The following ZFR2 variants were observed in gnomAD, a reference collection of about 807,000 sequenced individuals.
The protein encoded by ZFR2 is zinc finger RNA-binding protein 2.
Under a neutral mutation model 105.7 loss-of-function variants are expected in ZFR2, and 104 were observed. The ratio of observed to expected loss-of-function variants is 0.98; its 90% CI spans 0.84 to 1.16. The LOEUF (loss-of-function observed/expected upper bound fraction) is 1.16. ZFR2 is among the 50% of genes most tolerant of loss of function. ZFR2 has a pLI of 0.00. For missense variants in ZFR2, 1,425 were observed against 1,355.5 expected (o/e 1.05, Z -0.80); for synonymous variants, 634 against 597.7 (o/e 1.06, Z -0.89).
In ZFR2 at chr19:3,822,067, C is replaced by T. The variant is rs767214167; in HGVS notation, c.1491+14G>A. On this transcript the variant is annotated intron_variant, in intron 9 of 18. Transcript: ENST00000262961. ...AGCCCGGACGGGTGTCGGAGCTCCC[C>T]CTGCTGGACGCACCCGGTACTGCAG... 1.2e-5 allele frequency: 19 copies of T among 1,587,570 alleles called. No individual in the cohort carries two copies. Among genetic ancestry groups the T allele is most frequent in the East Asian group, 1.2e-4 (5 of 43,130 alleles).
intron 14 of ZFR2, among the ~76,000 whole-genome samples, chr19:3,812,071 G>A (rs1368237301): frequency 1.3e-5 from 2 of 152,116 alleles, no homozygotes; most frequent in Non-Finnish European, 2.9e-5. Context: ...AACCTCCTGA[G>A]TAGCTGGGAT....
intron 1 of ZFR2, among the ~76,000 whole-genome samples, chr19:3,865,902 G>A (rs2038421929): frequency 1.3e-5 from 2 of 152,050 alleles, no homozygotes; most frequent in South Asian, 2.1e-4. Flanking sequence ...GCAGTAACGT[G>A]ATGATCTCAG....
rs2285959 is a variant in ZFR2 at position 3,833,843 on chromosome 19, G to A, written c.265-65C>T. 1,343 of 1,269,118 alleles carry A rather than the reference G, an allele frequency of 1.1e-3. 19 individuals carry two copies. The East Asian group carries it at 0.025, about 24-fold the overall frequency. 78.6% of individuals were successfully genotyped at this position (1,269,118 alleles called of 1,614,324 possible). ...GGAGAGCAGCTCAGGCGGTGGGTGCGACGCGCCCTGCCACACTGCACTCTG... is the reference window on the plus strand; with the variant it reads ...GGAGAGCAGCTCAGGCGGTGGGTGCAACGCGCCCTGCCACACTGCACTCTG... On this transcript the variant is annotated intron_variant, in intron 2 of 18. Coordinates refer to ENST00000262961, the MANE Select transcript of ZFR2 (RefSeq NM_015174.2).
Position 3,831,886 on chromosome 19 carries a change from A to T in ZFR2, c.380-8T>A, listed in dbSNP as rs1259392592. 4 of 1,554,144 alleles carry T rather than the reference A, an allele frequency of 2.6e-6. No homozygotes were observed. The highest frequency in any genetic ancestry group is 2.6e-6 in the Non-Finnish European group (3 of 1,155,614). On this transcript the variant is annotated splice_polypyrimidine_tract_variant and splice_region_variant and intron_variant, in intron 3 of 18. Coordinates refer to ENST00000262961, the MANE Select transcript of ZFR2 (RefSeq NM_015174.2). ...CGCAGGCTTCTTGGGTCCCTAGGGG[A>T]CAGGGACAGGCCCTCTGCAGAGCCA...
intron 1 of ZFR2, among the ~76,000 whole-genome samples, chr19:3,836,703 T>C (rs1049112570): frequency 4.6e-5 from 7 of 152,162 alleles, no homozygotes; most frequent in Admixed American, 2.0e-4. Context: ...TCAGAGGACA[T>C]GCGGCACCAT....
rs117429335 is a variant in ZFR2, at chr19:3,850,220, G to A, written c.54-15237C>T. ...CTCCCCCAGAGGCTGGAAAAGCCCC[G>A]GGGAAGGGTGCCTGGGATTTCAAAG... On this transcript the variant is annotated intron_variant, in intron 1 of 18. Coordinates refer to ENST00000262961, the MANE Select transcript of ZFR2 (RefSeq NM_015174.2). Among the ~76,000 whole-genome samples, 856 of 152,224 alleles carry A rather than the reference G, an allele frequency of 5.6e-3. 8 individuals are homozygous for A. The highest frequency in any genetic ancestry group is 0.029 in the East Asian group (148 of 5,176).
chr19:3,824,133 C>CAA (rs201595705), intron 7 of ZFR2, among the ~76,000 whole-genome samples: 1 of 150,796 alleles, frequency 6.6e-6, no homozygotes, highest in African/African-American at 2.4e-5. Flanking sequence ...CCCACCTCTA[C>CAA]AAAAAAAAAT....
chr19:3,811,339 C>T lies in ZFR2; in HGVS notation c.2270G>A (p.Gly757Asp), dbSNP rs2037761838. ...GCACTTCTTGGGGCTCAGGACATCA[C>T]CTGCATCAGCCTGAGGCTCCTCCAC... Reference protein sequence around the residue: ...PGVEEPQADAGDVLSPKKCLE... With the variant: ...PGVEEPQADADDVLSPKKCLE... Residue 757 changes from glycine to aspartate, a missense_variant, in exon 15 of 19, where the codon GGT (glycine) becomes GAT (aspartate). Transcript: ENST00000262961. The T allele has an allele frequency of 1.2e-6, 2 of 1,601,176 alleles. No individual in the cohort carries two copies. Among genetic ancestry groups the T allele is most frequent in the South Asian group, 2.3e-5 (2 of 88,326 alleles).
rs1371874296 is a variant in ZFR2 at position 3,834,085 on chromosome 19, G to A, written c.265-307C>T. Among the ~76,000 whole-genome samples the A allele has an allele frequency of 1.3e-5, 2 of 152,182 alleles. No individual in the cohort carries two copies. The highest frequency in any genetic ancestry group is 2.4e-5 in the African/African-American group (1 of 41,446). ...GGCGGGTTTGCAGGGAGAAGCCCCC[G>A]AGGCCTTGGCAAGGAAATGGAGAGG... On this transcript the variant is annotated intron_variant, in intron 2 of 18. Transcript: ENST00000262961. This position sits in a 1 kb window ranked among gnomAD's most constrained non-coding sequence, Gnocchi z 5.3.
chr19:3,848,918 C>A lies in ZFR2; in HGVS notation c.54-13935G>T, dbSNP rs539398314. On this transcript the variant is annotated intron_variant, in intron 1 of 18. Transcript: ENST00000262961. ...CTGAGGCAGGAGAATGGCATGAACC[C>A]CGGAGGCGGAGCTTGCAGTGAGCCG... 1.5e-4 allele frequency among the ~76,000 whole-genome samples: 22 copies of A among 149,384 alleles called. No individual in the cohort carries two copies. The South Asian group carries it at 3.6e-3, about 25-fold the overall frequency.
intron 1 of ZFR2, among the ~76,000 whole-genome samples, chr19:3,849,968 G>A (rs1484645449): frequency 6.6e-6 from 1 of 152,178 alleles, no homozygotes; most frequent in Non-Finnish European, 1.5e-5. Context: ...CGTCACAGCT[G>A]TGAGCAGACT....
At chr19:3,809,066 C>T in intron 16 of ZFR2, 83 bp from the exon 17 acceptor site, 6 of 1,040,832 alleles carry the variant, frequency 5.8e-6, no homozygotes, top group Non-Finnish European at 7.9e-6. Flanking sequence ...GTCCCTGGGA[C>T]AGGAGGCCCC....
rs751547243 is a variant in ZFR2 at position 3,831,533 on chromosome 19, C to G, written c.622G>C (p.Ala208Pro). ...YTAPSYPNYD[A>P]SVYSAASPFY... The stretch of plus-strand genomic sequence containing the variant: ...GGGCTGGCAGCGGAGTACACCGACG[C>G]GTCATAGTTCGGGTAGCTTGGTGCT... The change falls in exon 5 of 19, where the codon GCG becomes CCG. Residue 208 changes from alanine to proline, a missense_variant. Transcript: ENST00000262961. 2.6e-6 allele frequency: 4 copies of G among 1,560,516 alleles called. No homozygotes were observed. In the African/African-American group the frequency reaches 4.1e-5, roughly 16 times the overall value.
rs769144322 is a variant in ZFR2 at position 3,806,257 on chromosome 19, C to G, written c.2644-132G>C. 8 of 998,258 alleles carry G rather than the reference C, an allele frequency of 8.0e-6. No individual in the cohort carries two copies. The South Asian group carries it at 2.0e-4, about 25-fold the overall frequency. 61.8% of individuals were successfully genotyped at this position (998,258 alleles called of 1,614,324 possible). A position where few individuals can be genotyped will look rare whatever the true frequency, so the allele number is the denominator to read the frequency against. The stretch of plus-strand genomic sequence containing the variant: ...ATCCTGTATCCCTCGAGATAGCCCC[C>G]GGCCCCCCGCCGCTTTCTTTTTTGA... On this transcript the variant is annotated intron_variant, in intron 18 of 18. Transcript: ENST00000262961.
chr19:3,839,456 C>A (rs2038111866), intron 1 of ZFR2, among the ~76,000 whole-genome samples: 2 of 141,156 alleles, frequency 1.4e-5, no homozygotes, highest in Admixed American at 1.6e-4. Context: ...TCGCTGGAAC[C>A]CAGGAGGCGG....
chr19:3,819,368 C>T, intron 11 of ZFR2, 133 bp from the exon 12 acceptor site: 4 of 939,894 alleles, frequency 4.3e-6, no homozygotes, highest in Non-Finnish European at 6.1e-6. Context: ...GGTGAGAATC[C>T]AGTGCACACA....
Position 3,834,775 on chromosome 19 carries a change from G to C in ZFR2, c.262C>G (p.Gln88Glu). 1.2e-6 allele frequency: 2 copies of C among 1,611,584 alleles called. No individual in the cohort carries two copies. The highest frequency in any genetic ancestry group is 1.7e-6 in the Non-Finnish European group (2 of 1,179,674). The part of the protein sequence containing the change: ...VPTATTMATY[Q>E]DSYSYGQSAA... ...TGGTCAAAGAAAGGACTGGATACCT[G>C]GTAGGTAGCCATGGTGGTGGCCGTG... is the stretch of plus-strand genomic sequence containing the variant. Residue 88 changes from glutamine (Q) to glutamate (E), a missense_variant and splice_region_variant, in exon 2 of 19, where the codon CAG (glutamine) becomes GAG (glutamate). Physicochemically the swap from Gln to Glu is conservative, Grantham distance 29 (BLOSUM62 2). Coordinates refer to ENST00000262961, the MANE Select transcript of ZFR2 (RefSeq NM_015174.2). The surrounding 1 kb of genome is among the most constrained non-coding windows in gnomAD (Gnocchi z 5.3).
rs750752440 is a variant in ZFR2 at position 3,831,731 on chromosome 19, G to T, written c.527C>A (p.Pro176His). ...GGTCACGATGGAAGCTGACGACTCG[G>T]GCTGGACGCCTGTCGCCGTGGGGTA... ...YTYPTATGVQ[P>H]ESSASIVTSY... The change falls in exon 4 of 19, where the codon CCC (proline) becomes CAC (histidine). Residue 176 changes from proline to histidine, a missense_variant. Coordinates refer to ENST00000262961, the MANE Select transcript of ZFR2 (RefSeq NM_015174.2). The T allele has an allele frequency of 1.7e-5, 27 of 1,603,748 alleles. 2 individuals are homozygous for T. Among genetic ancestry groups the T allele is most frequent in the South Asian group, 6.7e-5 (6 of 89,404 alleles).
At chr19:3,853,143 C>G (rs2038259255) in intron 1 of ZFR2, among the ~76,000 whole-genome samples, 1 of 152,190 alleles carries the variant, frequency 6.6e-6, no homozygotes, top group African/African-American at 2.4e-5. Context: ...GAAGGACAGG[C>G]TGGGGTCCCT....
Sources: gnomAD v4.1 joint callset for allele counts (sites outside exome capture counted in the v4.1 genomes callset) on GRCh38, gnomAD v4.1.1 for gene constraint, Gnocchi (gnomAD v3.1) non-coding constraint, MANE v1.5 for transcripts, NCBI Gene and HGNC (gene_info 2026-07-23, HGNC 2026-07-21) for gene names.